Variants in SPINK5 observed in about 807,000 individuals in gnomAD.
SPINK5 encodes the protein serine peptidase inhibitor Kazal type 5, also known as serine protease inhibitor Kazal-type 5.
A neutral mutation model predicts 151.8 loss-of-function variants in SPINK5; 125 were observed. The observed-to-expected ratio is 0.82, with a 90% confidence interval of 0.71 to 0.96. The LOEUF (loss-of-function observed/expected upper bound fraction) is 0.96. SPINK5 is among the 40% of genes least tolerant of loss of function. The probability of loss-of-function intolerance (pLI) is 0.00; values close to 1 mark genes in which losing one functional copy is unlikely to be tolerated. For missense variants in SPINK5, 1,194 were observed against 1,291.9 expected (o/e 0.92, Z 1.16); for synonymous variants, 374 against 395.3 (o/e 0.95, Z 0.64).
At chr5:148,123,521 G>GTGTGTGTGTATATATATATATATATATA (rs1328976077) in intron 26 of SPINK5, among the ~76,000 whole-genome samples, 1 of 25,016 alleles carries the variant, frequency 4.0e-5, no homozygotes, top group African/African-American at 8.0e-5. Context: ...CAATATATGT[G>GTGTGTGTGTATATATATATATATATATA]TATATATATA....
chr5:148,105,078 T>C, intron 16 of SPINK5, 78 bp downstream of exon 16: 1 of 1,468,116 alleles, frequency 6.8e-7, no homozygotes, highest in Non-Finnish European at 9.4e-7. Context: ...CCTATTAGAA[T>C]AAATGTTTTC....
intron 3 of SPINK5, among the ~76,000 whole-genome samples, chr5:148,071,284 A>G (rs1354400029): frequency 6.6e-6 from 1 of 152,080 alleles, no homozygotes; most frequent in East Asian, 1.9e-4. Context: ...TGTGTGTCAC[A>G]GGATTTAATT....
At chr5:148,108,596 A>G (rs553420006) in intron 17 of SPINK5, among the ~76,000 whole-genome samples, 157 bp from the exon 18 acceptor site, 2 of 152,274 alleles carry the variant, frequency 1.3e-5, no homozygotes, top group East Asian at 1.9e-4. Flanking sequence ...GTTTATCTGT[A>G]CTATTGGTTA....
intron 4 of SPINK5, among the ~76,000 whole-genome samples, chr5:148,084,937 C>T (rs1431274706): frequency 6.6e-6 from 1 of 151,878 alleles, no homozygotes; most frequent in African/African-American, 2.4e-5. Flanking sequence ...CTCTTTCTAT[C>T]AGAATGTAAG....
intron 4 of SPINK5, among the ~76,000 whole-genome samples, chr5:148,073,620 T>C (rs1752798433): frequency 1.3e-5 from 2 of 151,538 alleles, no homozygotes; most frequent in Non-Finnish European, 2.9e-5. Context: ...AAATATAAAA[T>C]ATGAGGAAAT....
chr5:148,105,516 A>G (rs1753757805), intron 16 of SPINK5, among the ~76,000 whole-genome samples: 1 of 152,140 alleles, frequency 6.6e-6, no homozygotes, highest in African/African-American at 2.4e-5. Context: ...TCCACTCTCC[A>G]TGCTTTTATA....
intron 4 of SPINK5, among the ~76,000 whole-genome samples, chr5:148,081,218 T>G: frequency 6.6e-6 from 1 of 151,648 alleles, no homozygotes; most frequent in East Asian, 1.9e-4. Flanking sequence ...GAGAACTTCT[T>G]AAAATTTTAA....
chr5:148,127,069 TC>T lies in SPINK5; in HGVS notation c.2955del (p.Phe985LeufsTer18). Reference protein sequence around the residue: ...ASQEEDSPDSFSSLDSEMCKD... With the variant: ...ASQEEDSPDSXSSLDSEMCKD... Reference sequence around the variant, plus strand: ...CAAGAGGAAGACAGCCCAGACTCTTTCAGTTCTCTGGTAAGGAGGACTATTT... The same window carrying T: ...CAAGAGGAAGACAGCCCAGACTCTTTAGTTCTCTGGTAAGGAGGACTATTT... On this transcript the variant is annotated frameshift_variant, in exon 30 of 33. Coordinates refer to ENST00000256084, the MANE Select transcript of SPINK5 (RefSeq NM_006846.4). LOFTEE classifies it high-confidence loss of function. The T allele has an allele frequency of 6.2e-7, 1 of 1,612,894 alleles. No homozygotes were observed. The highest frequency in any genetic ancestry group is 8.5e-7 in the Non-Finnish European group (1 of 1,179,278).
At chr5:148,113,713 A>G (rs190645060) in intron 20 of SPINK5, among the ~76,000 whole-genome samples, 2 of 149,302 alleles carry the variant, frequency 1.3e-5, no homozygotes, top group East Asian at 2.0e-4. Flanking sequence ...GCTTGTTTAC[A>G]GTTGTATTGC....
chr5:148,125,542 C>G (rs1216635216), intron 28 of SPINK5, 181 bp from the exon 29 acceptor site: 2 of 1,613,850 alleles, frequency 1.2e-6, no homozygotes, highest in Admixed American at 3.3e-5. Context: ...CAGACAGGTT[C>G]AGAATGAAGC....
chr5:148,111,352 C>T (rs932158639), intron 18 of SPINK5, among the ~76,000 whole-genome samples: 2 of 152,154 alleles, frequency 1.3e-5, no homozygotes, highest in Admixed American at 1.3e-4. Context: ...ATAATCTCTT[C>T]ATTTCAAGGT....
chr5:148,111,740 T>TA (rs766149236), intron 18 of SPINK5, 28 bp from the exon 19 acceptor site: 2 of 1,613,682 alleles, frequency 1.2e-6, no homozygotes, highest in Non-Finnish European at 1.7e-6. Context: ...ATTGGACTCT[T>TA]AAAACCTGCT....
At chr5:148,131,925 T>C (rs111469362) in intron 31 of SPINK5, among the ~76,000 whole-genome samples, 2,927 of 152,312 alleles carry the variant, frequency 0.019, 88 homozygotes, top group African/African-American at 0.066. Flanking sequence ...GCTCTCATAT[T>C]TATGACTATC....
In SPINK5 at chr5:148,064,007, A is replaced by G; in HGVS notation, c.-38A>G. On this transcript the variant is annotated 5_prime_UTR_variant, in exon 1 of 33. The change abolishes an upstream ATG in the 5' untranslated region. Transcript: ENST00000256084. ...TCATACTGCACCAGCTGAGCAATGC[A>G]TGGAGTGGACCTGTAGGCGACTTGC... 5 of 1,613,254 alleles carry G rather than the reference A, an allele frequency of 3.1e-6. No homozygotes were observed. The highest frequency in any genetic ancestry group is 3.4e-6 in the Non-Finnish European group (4 of 1,179,220).
At chr5:148,135,994 G>A (rs1754685736) in intron 32 of SPINK5, among the ~76,000 whole-genome samples, 1 of 152,098 alleles carries the variant, frequency 6.6e-6, no homozygotes, top group African/African-American at 2.4e-5. Context: ...GATTAGGGCA[G>A]GGATCACTGT....
At chr5:148,083,820 A>C (rs1325646036) in intron 4 of SPINK5, among the ~76,000 whole-genome samples, 1 of 151,186 alleles carries the variant, frequency 6.6e-6, no homozygotes, top group Non-Finnish European at 1.5e-5. Context: ...AATGTTCTTT[A>C]GCTTTTCCTT....
At chr5:148,071,517 A>T (rs1752736950) in intron 3 of SPINK5, among the ~76,000 whole-genome samples, 1 of 152,086 alleles carries the variant, frequency 6.6e-6, no homozygotes, top group Non-Finnish European at 1.5e-5. Flanking sequence ...GTTTCATAAG[A>T]TGTTTTAATA....
At chr5:148,079,269 T>C (rs1305100205) in intron 4 of SPINK5, among the ~76,000 whole-genome samples, 2 of 151,070 alleles carry the variant, frequency 1.3e-5, no homozygotes. Context: ...AGTAAAGACA[T>C]TGAATCAGTA....
intron 10 of SPINK5, among the ~76,000 whole-genome samples, chr5:148,097,055 C>T (rs1436950511): frequency 6.6e-6 from 1 of 151,412 alleles, no homozygotes; most frequent in Non-Finnish European, 1.5e-5. Context: ...TCCCTTTCTT[C>T]CTTTCCTTTC....
Sources: allele counts gnomAD v4.1 joint callset (sites outside exome capture counted in the v4.1 genomes callset), GRCh38; gene constraint gnomAD v4.1.1; transcripts MANE v1.5; gene names NCBI Gene and HGNC (gene_info 2026-07-23, HGNC 2026-07-21).